The following KCNA5 variants were observed in gnomAD, a reference collection of about 807,000 sequenced individuals.
The protein encoded by KCNA5 is potassium voltage-gated channel subfamily A member 5.
In KCNA5, 22 loss-of-function variants were observed where a neutral mutation model predicts 26.5. That is an observed-to-expected ratio of 0.83 (90% CI 0.59 to 1.18). The LOEUF (loss-of-function observed/expected upper bound fraction) is 1.18, where lower values mean the gene tolerates loss of function less well. Among genes scored for constraint, KCNA5 ranks in the 50% most tolerant of loss-of-function variants. The pLI, the probability that KCNA5 is intolerant of heterozygous loss-of-function variation, is 0.00. For synonymous variants in KCNA5, 465 were observed against 372.8 expected (o/e 1.25, Z -2.85); for missense variants, 916 against 843.2 (o/e 1.09, Z -1.07).
At position 5,044,345 on chromosome 12, in the gene KCNA5, C is replaced by T. The variant is rs1270034486; in HGVS notation, c.198C>T (p.Pro66=). Residue 66 remains proline, a synonymous_variant, in exon 1 of 1, where the codon CCC becomes CCT. Transcript: ENST00000252321. ...AQRDADSGVR[P]LPPLPDPGVR... Reference sequence around the variant, plus strand: ...GAGACGCGGACTCGGGAGTGCGGCCCTTGCCTCCGCTGCCGGACCCGGGAG... The same window carrying T: ...GAGACGCGGACTCGGGAGTGCGGCCTTTGCCTCCGCTGCCGGACCCGGGAG... 2.6e-6 allele frequency: 4 copies of T among 1,545,980 alleles called. No homozygotes were observed. In the South Asian group the frequency reaches 4.7e-5, roughly 18 times the overall value.
In KCNA5 at chr12:5,046,144, AT is replaced by A; in HGVS notation, c.*159del. 2 of 934,154 alleles carry A rather than the reference AT, an allele frequency of 2.1e-6. No individual in the cohort carries two copies. Among genetic ancestry groups the A allele is most frequent in the Non-Finnish European group, 3.4e-6 (2 of 589,852 alleles). The allele number at this position is 934,154 out of a possible 1,614,324, so 57.9% of individuals were successfully genotyped here. On this transcript the variant is annotated 3_prime_UTR_variant, in exon 1 of 1. Coordinates refer to ENST00000252321, the MANE Select transcript of KCNA5 (RefSeq NM_002234.4). ...CTTTCCTCCCTCCCTCGATCCCCCC[AT>A]TTTCTCTATTCTTTCCATGACACCC... is the stretch of plus-strand genomic sequence containing the variant.
chr12:5,044,974 G>A lies in KCNA5; in HGVS notation c.827G>A (p.Arg276Lys), dbSNP rs762170694. Residue 276 changes from arginine to lysine, a missense_variant, in exon 1 of 1, where the codon AGG becomes AAG. Arg to Lys is a conservative substitution (Grantham distance 26). Coordinates refer to ENST00000252321, the MANE Select transcript of KCNA5 (RefSeq NM_002234.4). Reference sequence around the variant, plus strand: ...TGCTTGGAGACCCTGCCTGAGTTCAGGGATGAACGTGAGCTGCTCCGCCAC... The same window carrying A: ...TGCTTGGAGACCCTGCCTGAGTTCAAGGATGAACGTGAGCTGCTCCGCCAC... ...TFCLETLPEFRDERELLRHPP... is the reference protein window; with the variant it reads ...TFCLETLPEFKDERELLRHPP... 2.0e-5 allele frequency: 33 copies of A among 1,613,280 alleles called. No homozygotes were observed. The highest frequency in any genetic ancestry group is 5.3e-5 in the African/African-American group (4 of 74,814).
At position 5,045,966 on chromosome 12, in the gene KCNA5, A is replaced by T. The variant is rs1459366647; in HGVS notation, c.1819A>T (p.Thr607Ser). Residue 607 changes from threonine to serine, a missense_variant, in exon 1 of 1, where the codon ACC (threonine) becomes TCC (serine). Transcript: ENST00000252321. The surrounding 1 kb of genome is among the most constrained non-coding windows in gnomAD (Gnocchi z 5.6). ...RRSLYALCLD[T>S]SRETDL ...GTCCCTTTATGCCCTCTGCCTGGAC[A>T]CCAGCCGGGAAACAGATTTGTGAAA... 5.6e-6 allele frequency: 9 copies of T among 1,613,268 alleles called. No individual in the cohort carries two copies. Among genetic ancestry groups the T allele is most frequent in the Non-Finnish European group, 6.8e-6 (8 of 1,180,046 alleles).
chr12:5,044,820 A>T lies in KCNA5; in HGVS notation c.673A>T (p.Lys225Ter). Residue 225 changes from lysine (K) to a stop codon, truncating the protein, a stop_gained, in exon 1 of 1, where the codon AAG becomes TAG. Transcript: ENST00000252321. LOFTEE classifies it high-confidence loss of function. ...EDEGFIKEEE[K>*]PLPRNEFQRQ... ...TGAGGGCTTCATTAAAGAAGAGGAGAAGCCCCTGCCCCGCAACGAGTTCCA... is the reference window on the plus strand; with the variant it reads ...TGAGGGCTTCATTAAAGAAGAGGAGTAGCCCCTGCCCCGCAACGAGTTCCA... 1 of 1,614,026 alleles carries T rather than the reference A, an allele frequency of 6.2e-7. No homozygotes were observed. Among genetic ancestry groups the T allele is most frequent in the Non-Finnish European group, 8.5e-7 (1 of 1,180,022 alleles).
rs369645951 is a variant in KCNA5 at position 5,045,533 on chromosome 12, C to T, written c.1386C>T (p.Thr462=). 9 of 1,614,098 alleles carry T rather than the reference C, an allele frequency of 5.6e-6. No individual in the cohort carries two copies. In the African/African-American group the frequency reaches 1.2e-4, roughly 22 times the overall value. The change falls in exon 1 of 1, where the codon ACC becomes ACT. Residue 462 remains threonine (T), a synonymous_variant. Coordinates refer to ENST00000252321, the MANE Select transcript of KCNA5 (RefSeq NM_002234.4). This position sits in a 1 kb window ranked among gnomAD's most constrained non-coding sequence, Gnocchi z 5.6. ...TCGCAGAGGCTGACAACCAGGGAAC[C>T]CATTTCTCTAGCATCCCTGACGCCT... ...VYFAEADNQG[T]HFSSIPDAFW...
Position 5,045,299 on chromosome 12 carries a change from A to T in KCNA5, c.1152A>T (p.Gly384=). The change falls in exon 1 of 1, where the codon GGA becomes GGT. Residue 384 remains glycine, a synonymous_variant. Transcript: ENST00000252321. The surrounding 1 kb of genome is among the most constrained non-coding windows in gnomAD (Gnocchi z 5.6). ...TGGCAGAGCAGCAGCCAGGGGGTGG[A>T]GGAGGCGGCCAGAATGGGCAGCAGG... ...TELAEQQPGG[G]GGGQNGQQAM... is the part of the protein sequence containing the mutation. 6.2e-7 allele frequency: 1 copy of T among 1,614,066 alleles called. No individual in the cohort carries two copies. Among genetic ancestry groups the T allele is most frequent in the Non-Finnish European group, 8.5e-7 (1 of 1,179,966 alleles).
At position 5,044,360 on chromosome 12, in the gene KCNA5, G is replaced by A. The variant is rs1020099417; in HGVS notation, c.213G>A (p.Pro71=). 2 of 1,549,100 alleles carry A rather than the reference G, an allele frequency of 1.3e-6. No individual in the cohort carries two copies. Among genetic ancestry groups the A allele is most frequent in the Non-Finnish European group, 1.7e-6 (2 of 1,152,568 alleles). The change falls in exon 1 of 1, where the codon CCG becomes CCA. Residue 71 remains proline, a synonymous_variant. Transcript: ENST00000252321. ...GAGTGCGGCCCTTGCCTCCGCTGCCGGACCCGGGAGTGCGGCCCTTGCCTC... is the reference window on the plus strand; with the variant it reads ...GAGTGCGGCCCTTGCCTCCGCTGCCAGACCCGGGAGTGCGGCCCTTGCCTC... ...DSGVRPLPPL[P]DPGVRPLPPL...
rs749646022 is a variant in KCNA5, at chr12:5,045,074, C to T, written c.927C>T (p.Gly309=). 1.1e-5 allele frequency: 17 copies of T among 1,612,982 alleles called. No homozygotes were observed. The highest frequency in any genetic ancestry group is 3.3e-5 in the Admixed American group (2 of 59,986). Residue 309 remains glycine (G), a synonymous_variant, in exon 1 of 1, where the codon GGC becomes GGT. Coordinates refer to ENST00000252321, the MANE Select transcript of KCNA5 (RefSeq NM_002234.4). This position sits in a 1 kb window ranked among gnomAD's most constrained non-coding sequence, Gnocchi z 5.6. The part of the protein sequence containing the change: ...NGSGVMAPPS[G]PTVAPLLPRT... ...GCGGGGTCATGGCCCCGCCCTCTGG[C>T]CCTACGGTGGCACCGCTCCTGCCCA...
In KCNA5 at chr12:5,044,323, A is replaced by G; in HGVS notation, c.176A>G (p.Asp59Gly). Residue 59 changes from aspartate to glycine, a missense_variant, in exon 1 of 1, where the codon GAC becomes GGC. Asp to Gly is a moderately conservative substitution (Grantham distance 94). Coordinates refer to ENST00000252321, the MANE Select transcript of KCNA5 (RefSeq NM_002234.4). ...PAPKGRGAQRDADSGVRPLPP... is the reference protein window; with the variant it reads ...PAPKGRGAQRGADSGVRPLPP... ...CCAAAGGGGCGCGGCGCGCAGAGAG[A>G]CGCGGACTCGGGAGTGCGGCCCTTG... The G allele has an allele frequency of 6.4e-7, 1 of 1,551,030 alleles. No individual in the cohort carries two copies. Among genetic ancestry groups the G allele is most frequent in the Non-Finnish European group, 8.7e-7 (1 of 1,154,500 alleles).
In KCNA5 at chr12:5,044,301, A is replaced by C. The variant is rs1591661111; in HGVS notation, c.154A>C (p.Lys52Gln). Residue 52 changes from lysine to glutamine, a missense_variant, in exon 1 of 1, where the codon AAG becomes CAG. Transcript: ENST00000252321. The part of the protein sequence containing the change: ...LSDGPKEPAP[K>Q]GRGAQRDADS... ...CGATGGGCCCAAGGAGCCGGCGCCA[A>C]AGGGGCGCGGCGCGCAGAGAGACGC... 6.5e-7 allele frequency: 1 copy of C among 1,548,812 alleles called. No individual in the cohort carries two copies. Among genetic ancestry groups the C allele is most frequent in the African/African-American group, 1.4e-5 (1 of 73,860 alleles).
At position 5,044,712 on chromosome 12, in the gene KCNA5, G is replaced by T; in HGVS notation, c.565G>T (p.Val189Phe). 1 of 1,614,148 alleles carries T rather than the reference G, an allele frequency of 6.2e-7. No homozygotes were observed. The highest frequency in any genetic ancestry group is 8.5e-7 in the Non-Finnish European group (1 of 1,180,040). The change falls in exon 1 of 1, where the codon GTC becomes TTC. Residue 189 changes from valine (V) to phenylalanine (F), a missense_variant. Transcript: ENST00000252321. ...GTCCGGGGGCCGCCTGCGGAGGCCG[G>T]TCAACGTCTCCCTGGACGTGTTCGC... ...YQSGGRLRRPVNVSLDVFADE... is the reference protein window; with the variant it reads ...YQSGGRLRRPFNVSLDVFADE...
chr12:5,046,038 TG>T lies in KCNA5; in HGVS notation c.*50del. 6.2e-7 allele frequency: 1 copy of T among 1,604,252 alleles called. No homozygotes were observed. The highest frequency in any genetic ancestry group is 8.5e-7 in the Non-Finnish European group (1 of 1,172,628). On this transcript the variant is annotated 3_prime_UTR_variant, in exon 1 of 1. Coordinates refer to ENST00000252321, the MANE Select transcript of KCNA5 (RefSeq NM_002234.4). ...GCAGTGGAGTAGGGAATGGGAGGCT[TG>T]CTGAACATGGATATCTACATTATAC...
rs1862757483 is a variant in KCNA5, at chr12:5,045,000, C to G, written c.853C>G (p.Pro285Ala). The change falls in exon 1 of 1, where the codon CCT (proline) becomes GCT (alanine). Residue 285 changes from proline (P) to alanine (A), a missense_variant. By Grantham distance (27) the Pro-to-Ala change is conservative. Transcript: ENST00000252321. ...GGATGAACGTGAGCTGCTCCGCCAC[C>G]CTCCGGCGCCCCACCAGCCTCCCGC... ...FRDERELLRHPPAPHQPPAPA... is the reference protein window; with the variant it reads ...FRDERELLRHAPAPHQPPAPA... The G allele has an allele frequency of 1.9e-6, 3 of 1,612,986 alleles. No individual in the cohort carries two copies. The highest frequency in any genetic ancestry group is 1.7e-6 in the Non-Finnish European group (2 of 1,179,962).
At position 5,045,638 on chromosome 12, in the gene KCNA5, C is replaced by A. The variant is rs1862768367; in HGVS notation, c.1491C>A (p.Gly497=). 1.2e-6 allele frequency: 2 copies of A among 1,614,110 alleles called. No individual in the cohort carries two copies. The highest frequency in any genetic ancestry group is 1.1e-5 in the South Asian group (1 of 91,084). ...RPITVGGKIV[G]SLCAIAGVLT... is the part of the protein sequence containing the mutation. ...TCACTGTTGGGGGCAAGATCGTGGG[C>A]TCGCTGTGTGCCATCGCCGGGGTCC... The change falls in exon 1 of 1, where the codon GGC becomes GGA. Residue 497 remains glycine, a synonymous_variant. Transcript: ENST00000252321. This position sits in a 1 kb window ranked among gnomAD's most constrained non-coding sequence, Gnocchi z 5.6.
At position 5,045,621 on chromosome 12, in the gene KCNA5, G is replaced by A. The variant is rs1372677776; in HGVS notation, c.1474G>A (p.Gly492Arg). 1 of 1,614,192 alleles carries A rather than the reference G, an allele frequency of 6.2e-7. No individual in the cohort carries two copies. Among genetic ancestry groups the A allele is most frequent in the South Asian group, 1.1e-5 (1 of 91,080 alleles). The change falls in exon 1 of 1, where the codon GGG (glycine) becomes AGG (arginine). Residue 492 changes from glycine (G) to arginine (R), a missense_variant. Coordinates refer to ENST00000252321, the MANE Select transcript of KCNA5 (RefSeq NM_002234.4). The surrounding 1 kb of genome is among the most constrained non-coding windows in gnomAD (Gnocchi z 5.6). ...CGGGGACATGAGGCCCATCACTGTT[G>A]GGGGCAAGATCGTGGGCTCGCTGTG... ...GYGDMRPITV[G>R]GKIVGSLCAI...
In KCNA5 at chr12:5,045,783, C is replaced by G; in HGVS notation, c.1636C>G (p.Pro546Ala). ...AGAGCAGGGCACTCAGAGCCAGGGG[C>G]CGGGGCTGGACAGAGGAGTCCAGCG... ...KEEQGTQSQG[P>A]GLDRGVQRKV... Residue 546 changes from proline to alanine, a missense_variant, in exon 1 of 1, where the codon CCG becomes GCG. Transcript: ENST00000252321. This position sits in a 1 kb window ranked among gnomAD's most constrained non-coding sequence, Gnocchi z 5.6. 1 of 1,614,094 alleles carries G rather than the reference C, an allele frequency of 6.2e-7. No homozygotes were observed. The highest frequency in any genetic ancestry group is 8.5e-7 in the Non-Finnish European group (1 of 1,180,002).
chr12:5,044,113 C>T lies in KCNA5; in HGVS notation c.-35C>T. On this transcript the variant is annotated 5_prime_UTR_variant, in exon 1 of 1. Transcript: ENST00000252321. ...GTGAGTAGGGGGCGCGGGAGCCGGT[C>T]AGCTGGGGCGCAGCATGCCCTCTGC... is the stretch of plus-strand genomic sequence containing the variant. 6.5e-7 allele frequency: 1 copy of T among 1,532,650 alleles called. No homozygotes were observed. Among genetic ancestry groups the T allele is most frequent in the African/African-American group, 1.4e-5 (1 of 73,048 alleles). 94.9% of individuals were successfully genotyped at this position (1,532,650 alleles called of 1,614,324 possible). A position where few individuals can be genotyped will look rare whatever the true frequency, so the allele number is the denominator to read the frequency against.
At position 5,044,978 on chromosome 12, in the gene KCNA5, T is replaced by C; in HGVS notation, c.831T>C (p.Asp277=). ...FCLETLPEFR[D]ERELLRHPPA... ...TGGAGACCCTGCCTGAGTTCAGGGA[T>C]GAACGTGAGCTGCTCCGCCACCCTC... Residue 277 remains aspartate, a synonymous_variant, in exon 1 of 1, where the codon GAT becomes GAC. Transcript: ENST00000252321. 2 of 1,613,342 alleles carry C rather than the reference T, an allele frequency of 1.2e-6. No homozygotes were observed. The highest frequency in any genetic ancestry group is 1.7e-6 in the Non-Finnish European group (2 of 1,179,950).
Position 5,045,063 on chromosome 12 carries a change from C to G in KCNA5, c.916C>G (p.Pro306Ala), listed in dbSNP as rs1463542784. Reference protein sequence around the residue: ...PGANGSGVMAPPSGPTVAPLL... With the variant: ...PGANGSGVMAAPSGPTVAPLL... ...GGCCAACGGCAGCGGGGTCATGGCCCCGCCCTCTGGCCCTACGGTGGCACC... is the reference window on the plus strand; with the variant it reads ...GGCCAACGGCAGCGGGGTCATGGCCGCGCCCTCTGGCCCTACGGTGGCACC... Residue 306 changes from proline (P) to alanine (A), a missense_variant, in exon 1 of 1, where the codon CCG becomes GCG. Physicochemically the swap from Pro to Ala is conservative, Grantham distance 27. Transcript: ENST00000252321. This position sits in a 1 kb window ranked among gnomAD's most constrained non-coding sequence, Gnocchi z 5.6. The G allele has an allele frequency of 6.2e-7, 1 of 1,612,622 alleles. No individual in the cohort carries two copies. The highest frequency in any genetic ancestry group is 8.5e-7 in the Non-Finnish European group (1 of 1,179,500).
Sources: gnomAD v4.1 joint callset for allele counts on GRCh38, gnomAD v4.1.1 for gene constraint, Gnocchi (gnomAD v3.1) non-coding constraint, MANE v1.5 for transcripts, NCBI Gene and HGNC (gene_info 2026-07-23, HGNC 2026-07-21) for gene names.